Variants in LIMCH1 observed in about 807,000 individuals in gnomAD.
LIMCH1 encodes the protein LIM and calponin homology domains-containing protein 1.
A neutral mutation model predicts 176.5 loss-of-function variants in LIMCH1; 113 were observed. The observed-to-expected ratio is 0.64, with a 90% CI of 0.55 to 0.75. The LOEUF (loss-of-function observed/expected upper bound fraction) is 0.75, where lower values mean the gene tolerates loss of function less well. Ranked by LOEUF, LIMCH1 falls within the 30% of genes least tolerant of loss-of-function variation. The pLI is 0.00. For synonymous variants in LIMCH1, 619 were observed against 645.9 expected (o/e 0.96, Z 0.63); for missense variants, 1,674 against 1,814.9 (o/e 0.92, Z 1.41).
At chr4:41,555,093 G>A (rs1365508725) in intron 1 of LIMCH1, among the ~76,000 whole-genome samples, 1 of 152,154 alleles carries the variant, frequency 6.6e-6, no homozygotes, top group Non-Finnish European at 1.5e-5. Flanking sequence ...TTGCTGAGAT[G>A]TTGACACATC....
chr4:41,670,875 A>G, intron 21 of LIMCH1: 1 of 1,497,182 alleles, frequency 6.7e-7, no homozygotes, highest in Non-Finnish European at 8.9e-7. Context: ...ACTTGTCTTC[A>G]TTTCTGATTT....
intron 1 of LIMCH1, among the ~76,000 whole-genome samples, chr4:41,439,827 C>T (rs2062509858): frequency 6.6e-6 from 1 of 152,022 alleles, no homozygotes; most frequent in African/African-American, 2.4e-5. Context: ...TCACTTGAAC[C>T]CGGGAGGCAG....
At chr4:41,611,112 G>T (rs1020719396) in intron 4 of LIMCH1, among the ~76,000 whole-genome samples, 1 of 152,188 alleles carries the variant, frequency 6.6e-6, no homozygotes, top group Non-Finnish European at 1.5e-5. Flanking sequence ...TTTGGATAAT[G>T]GAGACTCAAT....
intron 2 of LIMCH1, among the ~76,000 whole-genome samples, chr4:41,506,522 C>T (rs1349776842): frequency 6.6e-6 from 1 of 152,130 alleles, no homozygotes; most frequent in Non-Finnish European, 1.5e-5. Flanking sequence ...TTATGATGTG[C>T]TTGGGGACTG....
rs1324793074 is a variant in LIMCH1 at position 41,697,994 on chromosome 4, A to C, written c.*809A>C. The C allele has an allele frequency of 6.6e-6, 1 of 152,206 alleles. No individual in the cohort carries two copies. The highest frequency in any genetic ancestry group is 2.4e-5 in the African/African-American group (1 of 41,436). 9.4% of individuals were successfully genotyped at this position (152,206 alleles called of 1,614,324 possible). A position where few individuals can be genotyped will look rare whatever the true frequency, so the allele number is the denominator to read the frequency against. On this transcript the variant is annotated 3_prime_UTR_variant, in exon 32 of 32. Coordinates refer to ENST00000503057, the MANE Select transcript of LIMCH1 (RefSeq NM_001330672.2). ...TTATCAAAATCTGTGAGGAAGTTTA[A>C]TCTTCCAAAGAGTCAATGTCAGACA...
rs116565093 is a variant in LIMCH1, at chr4:41,697,235, C to A, written c.*50C>A. 3 of 1,564,484 alleles carry A rather than the reference C, an allele frequency of 1.9e-6. No individual in the cohort carries two copies. The highest frequency in any genetic ancestry group is 2.6e-6 in the Non-Finnish European group (3 of 1,135,992). On this transcript the variant is annotated 3_prime_UTR_variant, in exon 32 of 32. Transcript: ENST00000503057. ...CTCACCATTTCTTTACTGAGAGTGT[C>A]CCCTGGCAACTGCTTAACAAAATCC...
intron 1 of LIMCH1, among the ~76,000 whole-genome samples, chr4:41,596,412 G>C (rs2088827296): frequency 6.6e-6 from 1 of 152,076 alleles, no homozygotes; most frequent in Admixed American, 6.5e-5. Flanking sequence ...GGTTTGCATA[G>C]CTAAAATCAG....
chr4:41,492,037 G>C (rs969016522), intron 1 of LIMCH1, among the ~76,000 whole-genome samples: 2 of 152,214 alleles, frequency 1.3e-5, no homozygotes, highest in Non-Finnish European at 1.5e-5. Flanking sequence ...AGCACTTTGG[G>C]AGGCCAAGGC....
chr4:41,482,365 G>A (rs1172410925), intron 1 of LIMCH1, among the ~76,000 whole-genome samples: 2 of 152,144 alleles, frequency 1.3e-5, no homozygotes, highest in Non-Finnish European at 2.9e-5. Flanking sequence ...GCGAAGAGAG[G>A]AGAAAAACGC....
chr4:41,384,757 C>G (rs1475934375), intron 1 of LIMCH1, among the ~76,000 whole-genome samples: 2 of 152,126 alleles, frequency 1.3e-5, no homozygotes, highest in African/African-American at 4.8e-5. Context: ...AAGTTTGATG[C>G]TCTTTTTCTG....
intron 17 of LIMCH1, among the ~76,000 whole-genome samples, chr4:41,647,134 G>A (rs999378655): frequency 2.0e-5 from 3 of 152,260 alleles, no homozygotes; most frequent in South Asian, 2.1e-4. Context: ...TAGTGGAGTC[G>A]TCTCCATGAG....
intron 1 of LIMCH1, among the ~76,000 whole-genome samples, chr4:41,401,482 T>C (rs1297669062): frequency 3.3e-5 from 5 of 150,960 alleles, no homozygotes; most frequent in South Asian, 2.1e-4. Context: ...TCCAGCTTTG[T>C]TCTTTTGGCT....
intron 5 of LIMCH1, among the ~76,000 whole-genome samples, chr4:41,615,038 G>A (rs1035342856): frequency 1.3e-5 from 2 of 152,156 alleles, no homozygotes; most frequent in Admixed American, 1.3e-4. Flanking sequence ...ATTCCAGGGT[G>A]CATTGTGAGC....
At chr4:41,692,409 T>C in intron 31 of LIMCH1, 25 bp downstream of exon 31, 1 of 1,425,576 alleles carries the variant, frequency 7.0e-7, no homozygotes, top group Non-Finnish European at 9.9e-7. Flanking sequence ...GAATGCCTCA[T>C]GATGACCGAG....
chr4:41,596,216 C>T (rs1231265151), intron 1 of LIMCH1, among the ~76,000 whole-genome samples: 1 of 140,806 alleles, frequency 7.1e-6, no homozygotes, highest in African/African-American at 3.2e-5. Flanking sequence ...CTTTTTCTAC[C>T]ATTTTTGTAA....
intron 1 of LIMCH1, among the ~76,000 whole-genome samples, chr4:41,426,141 C>T (rs1472366845): frequency 1.3e-5 from 2 of 149,886 alleles, no homozygotes; most frequent in Non-Finnish European, 1.5e-5. Flanking sequence ...CCTGCCTCAG[C>T]CTCCCAAGTA....
chr4:41,537,319 A>G (rs1363245185), upstream of LIMCH1, among the ~76,000 whole-genome samples: 2 of 152,242 alleles, frequency 1.3e-5, no homozygotes, highest in African/African-American at 2.4e-5. Flanking sequence ...CACATATTTC[A>G]GCATCCTGCT....
At chr4:41,481,140 T>A (rs1393042038) in intron 1 of LIMCH1, among the ~76,000 whole-genome samples, 2 of 152,230 alleles carry the variant, frequency 1.3e-5, no homozygotes, top group Non-Finnish European at 2.9e-5. Flanking sequence ...TCCTCAATAT[T>A]AAGCACTCAG....
chr4:41,472,969 C>G (rs1180778280), intron 1 of LIMCH1: 1 of 943,286 alleles, frequency 1.1e-6, no homozygotes, highest in African/African-American at 1.8e-5. Flanking sequence ...TTGGGAAATG[C>G]TGCTGTAAGC....
Sources: gnomAD v4.1 joint callset for allele counts (sites outside exome capture counted in the v4.1 genomes callset) on GRCh38, gnomAD v4.1.1 for gene constraint, MANE v1.5 for transcripts, NCBI Gene and HGNC (gene_info 2026-07-23, HGNC 2026-07-21) for gene names.